Variants in POU2F2 observed in about 807,000 individuals in gnomAD.
POU2F2 encodes the protein POU class 2 homeobox 2, also known as POU domain, class 2, transcription factor 2.
In POU2F2, 14 loss-of-function variants were observed where a neutral mutation model predicts 63.5. That is an observed-to-expected ratio of 0.22 (90% CI 0.15 to 0.34). The LOEUF is 0.34. POU2F2 is among the 10% of genes least tolerant of loss of function. The pLI is 1.00. For missense variants in POU2F2, 607 were observed against 815.2 expected, an observed-to-expected ratio of 0.74 and a Z score of 3.11; for synonymous variants, 306 against 348.6, an observed-to-expected ratio of 0.88 and a Z score of 1.36.
chr19:42,168,080 C>T (rs960870493), intron 1 of POU2F2, among the ~76,000 whole-genome samples: 2 of 152,188 alleles, frequency 1.3e-5, no homozygotes, highest in Admixed American at 6.5e-5. Flanking sequence ...GGGGGCAAGT[C>T]GTAGCAGTGG....
upstream of POU2F2, among the ~76,000 whole-genome samples, chr19:42,177,702 T>C (rs757244145): frequency 3.6e-4 from 47 of 128,930 alleles, no homozygotes; most frequent in Admixed American, 8.3e-4. Flanking sequence ...GGACACACAG[T>C]AAGAGACAGA....
rs765268394 is a variant in POU2F2, at chr19:42,093,789, T to C, written c.1264+40A>G. 3 of 1,574,090 alleles carry C rather than the reference T, an allele frequency of 1.9e-6. No homozygotes were observed. The African/African-American group carries it at 4.0e-5, about 21-fold the overall frequency. ...ACCTCAGGCTCCAGCCTGTGCCACA[T>C]CCTCCCAGTCCCCCCTCACCATTTT... On this transcript the variant is annotated intron_variant, in intron 12 of 14. Transcript: ENST00000692977.
intron 1 of POU2F2, among the ~76,000 whole-genome samples, chr19:42,185,718 A>C (rs2035005567): frequency 6.6e-6 from 1 of 152,138 alleles, no homozygotes; most frequent in Non-Finnish European, 1.5e-5. Context: ...TCCAATACAC[A>C]CAGCTTGAGT....
chr19:42,165,542 G>A (rs2034633421), intron 1 of POU2F2, among the ~76,000 whole-genome samples: 2 of 152,308 alleles, frequency 1.3e-5, no homozygotes, highest in Admixed American at 6.5e-5. Context: ...GCAAGAACAA[G>A]TGTGCATGCA....
intron 1 of POU2F2, among the ~76,000 whole-genome samples, chr19:42,184,991 C>T (rs944486199): frequency 6.6e-6 from 1 of 152,154 alleles, no homozygotes; most frequent in South Asian, 2.1e-4. Flanking sequence ...GTTCCCACTC[C>T]CCATGGTGAT....
At chr19:42,099,411 G>T in intron 7 of POU2F2, 116 bp downstream of exon 7, 1 of 898,234 alleles carries the variant, frequency 1.1e-6, no homozygotes. Context: ...ATCACTGGCA[G>T]AGTGTGGCTG....
intron 2 of POU2F2, among the ~76,000 whole-genome samples, chr19:42,149,040 G>A (rs2034288470): frequency 6.6e-6 from 1 of 151,932 alleles, no homozygotes; most frequent in Non-Finnish European, 1.5e-5. Flanking sequence ...GAGGAGGGGC[G>A]ACCATGTTCC....
At position 42,093,882 on chromosome 19, in the gene POU2F2, C is replaced by A. The variant is rs961182265; in HGVS notation, c.1211G>T (p.Gly404Val). The change falls in exon 12 of 15, where the codon GGG (glycine) becomes GTG (valine). Residue 404 changes from glycine (G) to valine (V), a missense_variant. Around this residue, in one of 7 missense-constraint regions of POU2F2, gnomAD observed 270 missense variants for 307.5 expected, o/e 0.88. Transcript: ENST00000692977. ...GGACAACGGTAAGGTCCCCGCGCCC[C>A]CTTGGGGTGTGACCTGAGGAGAGAA... Reference protein sequence around the residue: ...SYSPHMVTPQGGAGTLPLSQA... With the variant: ...SYSPHMVTPQVGAGTLPLSQA... 6.2e-7 allele frequency: 1 copy of A among 1,611,504 alleles called. No homozygotes were observed. The highest frequency in any genetic ancestry group is 1.3e-5 in the African/African-American group (1 of 74,916).
At chr19:42,120,097 G>A (rs2032414616) in intron 4 of POU2F2, among the ~76,000 whole-genome samples, 2 of 152,076 alleles carry the variant, frequency 1.3e-5, no homozygotes, top group South Asian at 4.1e-4. Flanking sequence ...TTTCTGTAGA[G>A]ACAGGGTCTC....
intron 7 of POU2F2, among the ~76,000 whole-genome samples, chr19:42,098,429 A>C (rs1374914036): frequency 1.3e-5 from 2 of 151,186 alleles, no homozygotes; most frequent in East Asian, 1.9e-4. Flanking sequence ...AAAAAAAAAA[A>C]CAAAAAGAAA....
intron 1 of POU2F2, among the ~76,000 whole-genome samples, chr19:42,170,470 A>G (rs2034740268): frequency 6.6e-6 from 1 of 151,918 alleles, no homozygotes; most frequent in South Asian, 2.1e-4. Context: ...AGTGTCTCAC[A>G]GTAAGAAAGC....
chr19:42,196,706 C>G (rs1023796030), upstream of POU2F2: 2 of 152,420 alleles, frequency 1.3e-5, no homozygotes, highest in Admixed American at 6.5e-5. Context: ...CCCTCACCCC[C>G]CGCGCCTCGC....
At chr19:42,171,108 C>T in intron 1 of POU2F2, among the ~76,000 whole-genome samples, 1 of 152,256 alleles carries the variant, frequency 6.6e-6, no homozygotes, top group African/African-American at 2.4e-5. Context: ...GTTGTATGAC[C>T]CTCGGCCCAT....
rs2076670901 is a variant in POU2F2 at position 42,090,221 on chromosome 19, G to A, written c.*1036C>T. On this transcript the variant is annotated 3_prime_UTR_variant, in exon 15 of 15. Transcript: ENST00000692977. The surrounding 1 kb of genome is among the most constrained non-coding windows in gnomAD (Gnocchi z 4.4). ...GAATATGAATTTTTTTTTTTTTCAG[G>A]GAAACAGACAGGATGGAAAAAGACA... 1.3e-5 allele frequency: 2 copies of A among 152,078 alleles called. No individual in the cohort carries two copies. The highest frequency in any genetic ancestry group is 4.1e-4 in the South Asian group (2 of 4,822). The allele number at this position is 152,078 out of a possible 1,614,324, so 9.4% of individuals were successfully genotyped here.
At chr19:42,119,826 A>C (rs1568385369) in intron 4 of POU2F2, among the ~76,000 whole-genome samples, 1 of 152,178 alleles carries the variant, frequency 6.6e-6, no homozygotes, top group Non-Finnish European at 1.5e-5. Context: ...TTCCCTTTTC[A>C]GTGCTTTTTT....
rs2032738855 is a variant in POU2F2 at position 42,122,377 on chromosome 19, G to T, written c.96C>A (p.Asp32Glu). The T allele has an allele frequency of 6.2e-7, 1 of 1,609,666 alleles. No individual in the cohort carries two copies. The highest frequency in any genetic ancestry group is 1.4e-5 in the African/African-American group (1 of 73,496). The stretch of plus-strand genomic sequence containing the variant: ...TAGTGTCTGGTCCATTTCTTTCGGT[G>T]TCTGCAAAGAGAGGGAAAGGATGTG... ...QGLDSPSEHT[D>E]TERNGPDTNH... The change falls in exon 3 of 15, where the codon GAC becomes GAA. Residue 32 changes from aspartate (D) to glutamate (E), a missense_variant and splice_region_variant. Around this residue, in one of 7 missense-constraint regions of POU2F2, gnomAD observed 224 missense variants for 264.3 expected, o/e 0.85. Coordinates refer to ENST00000692977, the MANE Select transcript of POU2F2 (RefSeq NM_001394376.1).
At chr19:42,142,156 C>A (rs776619176) in intron 2 of POU2F2, among the ~76,000 whole-genome samples, 107 of 152,260 alleles carry the variant, frequency 7.0e-4, no homozygotes, top group Non-Finnish European at 1.3e-3. Context: ...TGGAAGGTAA[C>A]TAATTATAAC....
At chr19:42,175,496 C>T (rs1010536088) in intron 1 of POU2F2, among the ~76,000 whole-genome samples, 19 of 145,836 alleles carry the variant, frequency 1.3e-4, no homozygotes, top group Non-Finnish European at 2.5e-4. Flanking sequence ...AAGGGAAAAA[C>T]GGAGAAAAAA....
intron 5 of POU2F2, among the ~76,000 whole-genome samples, chr19:42,113,728 C>T (rs899571153): frequency 2.0e-5 from 3 of 152,186 alleles, no homozygotes; most frequent in African/African-American, 7.2e-5. Flanking sequence ...CTGCCATGGC[C>T]TGACACACAG....
Sources: allele counts gnomAD v4.1 joint callset (sites outside exome capture counted in the v4.1 genomes callset), GRCh38; gene constraint gnomAD v4.1.1; regional missense constraint gnomAD v4.1.1; non-coding constraint Gnocchi (gnomAD v3.1); transcripts MANE v1.5; gene names NCBI Gene and HGNC (gene_info 2026-07-23, HGNC 2026-07-21).